Variants in MARCHF1 observed in about 807,000 individuals in gnomAD.
MARCHF1 encodes the protein membrane associated ring-CH-type finger 1, also known as E3 ubiquitin-protein ligase MARCHF1.
MARCHF1 carries 40 observed loss-of-function variants against 54.2 expected under a neutral mutation model. The observed-to-expected ratio is 0.74, with a 90% CI of 0.57 to 0.96. MARCHF1 has a LOEUF of 0.96. Among genes scored for constraint, MARCHF1 ranks in the 40% least tolerant of loss-of-function variants. The pLI, the probability that MARCHF1 is intolerant of heterozygous loss-of-function variation, is 0.00. For missense variants in MARCHF1, 586 were observed against 656.5 expected (o/e 0.89, Z 1.17); for synonymous variants, 236 against 236.3 (o/e 1.00, Z 0.01).
At chr4:163,548,009 C>T (rs973109094) in intron 8 of MARCHF1, among the ~76,000 whole-genome samples, 9 of 151,930 alleles carry the variant, frequency 5.9e-5, no homozygotes, top group African/African-American at 1.9e-4. Context: ...TCAATTTAGA[C>T]TCTATTTTGA....
At chr4:163,858,170 A>G in intron 3 of MARCHF1, among the ~76,000 whole-genome samples, 1 of 151,988 alleles carries the variant, frequency 6.6e-6, no homozygotes, top group Middle Eastern at 3.2e-3. Context: ...AATGCTTTTC[A>G]TATTAAACAC....
chr4:163,650,056 T>A (rs1454869819), intron 5 of MARCHF1, among the ~76,000 whole-genome samples: 1 of 151,904 alleles, frequency 6.6e-6, no homozygotes, highest in Non-Finnish European at 1.5e-5. Flanking sequence ...GTGTTAAAGT[T>A]AATATGTTAC....
chr4:163,747,834 T>C (rs1029699112), intron 4 of MARCHF1, among the ~76,000 whole-genome samples: 1 of 152,240 alleles, frequency 6.6e-6, no homozygotes, highest in East Asian at 1.9e-4. Flanking sequence ...CTGCTGGGTC[T>C]GTCCCGTGGA....
Position 163,613,524 on chromosome 4 carries a change from A to C in MARCHF1, c.163-131T>G, listed in dbSNP as rs111365528. 9.4e-6 allele frequency: 15 copies of C among 1,592,018 alleles called. No individual in the cohort carries two copies. In the African/African-American group the frequency reaches 1.5e-4, roughly 16 times the overall value. On this transcript the variant is annotated intron_variant, in intron 5 of 9. Coordinates refer to ENST00000514618, the MANE Select transcript of MARCHF1 (RefSeq NM_001394959.1). ...GGTCATGTTGCTTATAATGCAGAACAGAGAATATAGGAAGTTTGAGGTTGG... is the reference window on the plus strand; with the variant it reads ...GGTCATGTTGCTTATAATGCAGAACCGAGAATATAGGAAGTTTGAGGTTGG...
intron 4 of MARCHF1, among the ~76,000 whole-genome samples, chr4:163,746,071 G>C (rs1746352009): frequency 6.6e-6 from 1 of 152,122 alleles, no homozygotes; most frequent in Non-Finnish European, 1.5e-5. Context: ...TTCATTCTAT[G>C]GGTTTGGACA....
chr4:163,911,240 G>A (rs984466337), intron 3 of MARCHF1, among the ~76,000 whole-genome samples: 2 of 152,152 alleles, frequency 1.3e-5, no homozygotes, highest in African/African-American at 2.4e-5. Context: ...GGGTGATTGA[G>A]TAATTTGATT....
chr4:163,814,194 C>T (rs1748471584), intron 4 of MARCHF1, among the ~76,000 whole-genome samples: 1 of 152,192 alleles, frequency 6.6e-6, no homozygotes, highest in Non-Finnish European at 1.5e-5. Context: ...CCTTTCGACC[C>T]TCACATTCTC....
intron 2 of MARCHF1, among the ~76,000 whole-genome samples, chr4:163,998,582 A>C (rs925068748): frequency 6.6e-6 from 1 of 151,752 alleles, no homozygotes; most frequent in Non-Finnish European, 1.5e-5. Flanking sequence ...CATTGTGTAC[A>C]AAATAGATAT....
intron 4 of MARCHF1, among the ~76,000 whole-genome samples, chr4:163,704,524 G>A (rs1744895801): frequency 6.6e-6 from 1 of 151,474 alleles, no homozygotes; most frequent in South Asian, 2.1e-4. Context: ...ATATGTCCAA[G>A]TAGAGACTTT....
intron 3 of MARCHF1, among the ~76,000 whole-genome samples, chr4:163,949,132 G>C (rs192551738): frequency 4.6e-4 from 70 of 152,332 alleles, no homozygotes; most frequent in Admixed American, 4.2e-3. Context: ...GCCTGCTAAG[G>C]GCAAGCCAGG....
At chr4:163,532,236 T>TAA (rs1311546007) in intron 9 of MARCHF1, among the ~76,000 whole-genome samples, 10 of 151,832 alleles carry the variant, frequency 6.6e-5, no homozygotes, top group African/African-American at 2.2e-4. Flanking sequence ...AATGAAAGAA[T>TAA]AAAGAAATAA....
intron 8 of MARCHF1, among the ~76,000 whole-genome samples, chr4:163,558,934 T>C (rs1404500962): frequency 6.6e-6 from 1 of 152,236 alleles, no homozygotes; most frequent in Non-Finnish European, 1.5e-5. Context: ...GTCCTCAGAA[T>C]AGATACATTT....
intron 5 of MARCHF1, among the ~76,000 whole-genome samples, chr4:163,649,671 C>A (rs187068130): frequency 5.3e-5 from 8 of 152,018 alleles, no homozygotes; most frequent in Admixed American, 4.6e-4. Flanking sequence ...CAAAAAAAAC[C>A]GCATGGGACT....
intron 1 of MARCHF1, among the ~76,000 whole-genome samples, chr4:164,287,593 A>T (rs1458843490): frequency 9.9e-5 from 15 of 152,102 alleles, no homozygotes; most frequent in Admixed American, 9.8e-4. Context: ...AATGAAAAGT[A>T]ACCCTTCCGT....
At chr4:163,610,240 T>C (rs943709213) in intron 7 of MARCHF1, among the ~76,000 whole-genome samples, 1 of 152,070 alleles carries the variant, frequency 6.6e-6, no homozygotes, top group Non-Finnish European at 1.5e-5. Context: ...GCCACTTAGA[T>C]CATAAGCCAC....
intron 1 of MARCHF1, among the ~76,000 whole-genome samples, chr4:164,307,201 A>G (rs1734717978): frequency 6.6e-6 from 1 of 152,168 alleles, no homozygotes; most frequent in Non-Finnish European, 1.5e-5. Context: ...CCTCAGATAC[A>G]TATATAAATC....
intron 1 of MARCHF1, among the ~76,000 whole-genome samples, chr4:164,322,552 A>AT (rs1735168654): frequency 6.6e-6 from 1 of 152,020 alleles, no homozygotes; most frequent in South Asian, 2.1e-4. Flanking sequence ...TTAATTGTAC[A>AT]TTTTTAAATA....
chr4:163,812,498 C>T (rs1748420383), intron 4 of MARCHF1, among the ~76,000 whole-genome samples: 1 of 152,160 alleles, frequency 6.6e-6, no homozygotes, highest in South Asian at 2.1e-4. Flanking sequence ...TGGCTCACAC[C>T]TGTAATCCCA....
chr4:163,561,520 A>G (rs1468177955), intron 8 of MARCHF1, among the ~76,000 whole-genome samples: 1 of 152,216 alleles, frequency 6.6e-6, no homozygotes, highest in East Asian at 1.9e-4. Context: ...CATCTATCAC[A>G]CAAATATATA....
Sources: gnomAD v4.1 joint callset for allele counts (sites outside exome capture counted in the v4.1 genomes callset) on GRCh38, gnomAD v4.1.1 for gene constraint, MANE v1.5 for transcripts, NCBI Gene and HGNC (gene_info 2026-07-23, HGNC 2026-07-21) for gene names.